The following RHPN1 variants were observed in gnomAD, a reference collection of about 807,000 sequenced individuals.
RHPN1 encodes rhophilin-1.
In RHPN1, 77 loss-of-function variants were observed where a neutral mutation model predicts 74.7. The ratio of observed to expected loss-of-function variants is 1.03; its 90% CI spans 0.86 to 1.25. The LOEUF is 1.25. Among genes scored for constraint, RHPN1 ranks in the 50% most tolerant of loss-of-function variants. The pLI, the probability that RHPN1 is intolerant of heterozygous loss-of-function variation, is 0.00. For missense variants in RHPN1, 987 were observed against 932.2 expected (o/e 1.06, Z -0.77); for synonymous variants, 444 against 414.5 (o/e 1.07, Z -0.87).
At chr8:143,380,819 C>T (rs1818671546) in intron 11 of RHPN1, 36 bp downstream of exon 11, 2 of 1,483,806 alleles carry the variant, frequency 1.3e-6, no homozygotes, top group African/African-American at 2.8e-5. Flanking sequence ...GGCTGCATCC[C>T]TGGCCAGGGT....
chr8:143,366,344 C>T (rs1817555591), upstream of RHPN1, among the ~76,000 whole-genome samples: 2 of 152,010 alleles, frequency 1.3e-5, no homozygotes, highest in African/African-American at 4.8e-5. Flanking sequence ...TTCAGAAGTG[C>T]ACAATACACA....
At chr8:143,368,385 CG>C (rs911661419), upstream of RHPN1, 1 of 152,864 alleles carries the variant, frequency 6.5e-6, no homozygotes, top group African/African-American at 2.4e-5. Flanking sequence ...CTAACAAAAC[CG>C]TTTTTAAAAA....
chr8:143,377,074 C>G lies in RHPN1; in HGVS notation c.306-306C>G, dbSNP rs1190830443. On this transcript the variant is annotated intron_variant, in intron 3 of 14. Transcript: ENST00000289013. ...TGTCTGTGTGTGCGCGTGTGTGTGT[C>G]TGCACGTGTGTGCATATATGTGTGT... Among the ~76,000 whole-genome samples the G allele has an allele frequency of 1.5e-4, 18 of 124,034 alleles. 1 individual carries two copies. Among genetic ancestry groups the G allele is most frequent in the South Asian group, 8.4e-4 (3 of 3,556 alleles). The allele number at this position is 124,034 out of a possible 152,430, so 81.4% of individuals were successfully genotyped here.
At chr8:143,382,021 G>A (rs972649190) in intron 14 of RHPN1, 53 bp downstream of exon 14, 2 of 1,487,296 alleles carry the variant, frequency 1.3e-6, no homozygotes, top group Non-Finnish European at 1.8e-6. Context: ...TCACCACCCT[G>A]GCCCTGGGCC....
In RHPN1 at chr8:143,380,040, TCA is replaced by T; in HGVS notation, c.1103-19_1103-18del. The T allele has an allele frequency of 1.3e-6, 2 of 1,545,816 alleles. No homozygotes were observed. Among genetic ancestry groups the T allele is most frequent in the Non-Finnish European group, 1.7e-6 (2 of 1,145,198 alleles). On this transcript the variant is annotated intron_variant, in intron 9 of 14. Transcript: ENST00000289013. ...CTGCCAAGGCCCCCCCGCGCAGGGC[TCA>T]CAGCCTCTCTGTCCCCCAGCAGCGA...
chr8:143,379,410 C>T lies in RHPN1; in HGVS notation c.847C>T (p.Gln283Ter). ...LCALEQLMMA[Q>*]AQECVFEGLS... is the part of the protein sequence containing the mutation. The stretch of plus-strand genomic sequence containing the variant: ...CGCACTGGAGCAGCTCATGATGGCC[C>T]AGGCCCAGGAATGTGTGTTTGAGGG... The change falls in exon 8 of 15, where the codon CAG (glutamine) becomes TAG (stop). Residue 283 changes from glutamine (Q) to a stop codon, truncating the protein, a stop_gained. Transcript: ENST00000289013. LOFTEE classifies it high-confidence loss of function. 1 of 1,588,848 alleles carries T rather than the reference C, an allele frequency of 6.3e-7. No individual in the cohort carries two copies. The highest frequency in any genetic ancestry group is 8.6e-7 in the Non-Finnish European group (1 of 1,168,056).
intron 3 of RHPN1, among the ~76,000 whole-genome samples, 156 bp downstream of exon 3, chr8:143,376,809 C>T (rs546571028): frequency 2.1e-4 from 29 of 139,320 alleles, no homozygotes; most frequent in Middle Eastern, 5.1e-3. Flanking sequence ...TGTCTGTGCG[C>T]GTGTGTCTGT....
intron 11 of RHPN1, 38 bp downstream of exon 11, chr8:143,380,821 G>A (rs1818671716): frequency 6.8e-7 from 1 of 1,469,316 alleles, no homozygotes; most frequent in South Asian, 1.3e-5. Context: ...CTGCATCCCT[G>A]GCCAGGGTGG....
chr8:143,368,075 G>A (rs950936022), upstream of RHPN1: 4 of 153,666 alleles, frequency 2.6e-5, no homozygotes, highest in African/African-American at 9.6e-5. Context: ...AACAAGCTCT[G>A]GAAGTAAAGA....
At chr8:143,368,608 G>T (rs1817619893), upstream of RHPN1, 1 of 162,686 alleles carries the variant, frequency 6.1e-6, no homozygotes, top group African/African-American at 2.4e-5. Flanking sequence ...CACGCTCAGC[G>T]GCCGCCGCGG....
intron 8 of RHPN1, 73 bp downstream of exon 8, chr8:143,379,581 C>G (rs575345864): frequency 2.0e-6 from 3 of 1,473,930 alleles, no homozygotes; most frequent in Non-Finnish European, 2.7e-6. Flanking sequence ...TCCAGGCATG[C>G]GTGAGCTCTC....
At chr8:143,378,170 C>T (rs930655840) in intron 4 of RHPN1, 99 bp from the exon 5 acceptor site, 2 of 1,005,926 alleles carry the variant, frequency 2.0e-6, no homozygotes, top group African/African-American at 1.6e-5. Context: ...CACAGACCCT[C>T]CCTCCACCAT....
chr8:143,376,830 CTG>C (rs553351692), intron 3 of RHPN1, among the ~76,000 whole-genome samples, 177 bp downstream of exon 3: 61 of 130,800 alleles, frequency 4.7e-4, no homozygotes, highest in Admixed American at 1.4e-3. Flanking sequence ...GTGCATGTGT[CTG>C]TGCATCTCTG....
intron 1 of RHPN1, chr8:143,374,208 G>A (rs1351211093): frequency 9.1e-6 from 9 of 985,360 alleles, no homozygotes; most frequent in Non-Finnish European, 1.1e-5. Flanking sequence ...AGAGACGTGT[G>A]TGCGTGGAGA....
chr8:143,366,769 AAAAC>A (rs1278443097), upstream of RHPN1: 1 of 152,228 alleles, frequency 6.6e-6, no homozygotes, highest in East Asian at 1.9e-4. Context: ...AGAAGCCTGC[AAAAC>A]AAATACGTAA....
At position 143,378,710 on chromosome 8, in the gene RHPN1, C is replaced by T; in HGVS notation, c.474C>T (p.Pro158=). 6.3e-7 allele frequency: 1 copy of T among 1,596,172 alleles called. No homozygotes were observed. Among genetic ancestry groups the T allele is most frequent in the South Asian group, 1.1e-5 (1 of 88,152 alleles). ...CTGCCCTGCAGGCCATGCGGACCCC[C>T]AGCCGGAATGAGTCGGGCCTGGAGC... ...LEALRQAMRT[P]SRNESGLELL... The change falls in exon 6 of 15, where the codon CCC becomes CCT. Residue 158 remains proline (P), a synonymous_variant. Coordinates refer to ENST00000289013, the MANE Select transcript of RHPN1 (RefSeq NM_052924.3).
rs1241429963 is a variant in RHPN1 at position 143,379,013 on chromosome 8, C to A, written c.686C>A (p.Ala229Glu). 3.2e-6 allele frequency: 5 copies of A among 1,549,618 alleles called. No homozygotes were observed. Among genetic ancestry groups the A allele is most frequent in the Admixed American group, 2.0e-5 (1 of 51,026 alleles). The change falls in exon 7 of 15, where the codon GCG (alanine) becomes GAG (glutamate). Residue 229 changes from alanine to glutamate, a missense_variant. Ala to Glu is a moderately radical substitution (Grantham distance 107). Coordinates refer to ENST00000289013, the MANE Select transcript of RHPN1 (RefSeq NM_052924.3). ...NIGALHTQIG[A>E]RQDRSCTEGA... ...GGTGCCCTCCACACGCAGATTGGGG[C>A]GCGCCAGGACCGCTCCTGCACCGAG... is the stretch of plus-strand genomic sequence containing the variant.
At chr8:143,375,744 A>G in intron 2 of RHPN1, 76 bp downstream of exon 2, 2 of 1,115,570 alleles carry the variant, frequency 1.8e-6, no homozygotes, top group Non-Finnish European at 2.6e-6. Flanking sequence ...ACGCAGGCAG[A>G]TGTCTGCCCC....
At chr8:143,371,421 G>T (rs945570665) in intron 1 of RHPN1, among the ~76,000 whole-genome samples, 2 of 152,104 alleles carry the variant, frequency 1.3e-5, no homozygotes, top group Non-Finnish European at 2.9e-5. Context: ...GAAAAAGCTG[G>T]TTTGCTCCAG....
Sources: gnomAD v4.1 joint callset for allele counts (sites outside exome capture counted in the v4.1 genomes callset) on GRCh38, gnomAD v4.1.1 for gene constraint, MANE v1.5 for transcripts, NCBI Gene and HGNC (gene_info 2026-07-23, HGNC 2026-07-21) for gene names.